PACRG: variants seen among roughly 807,000 people sequenced by gnomAD.
PACRG encodes the protein parkin coregulated gene protein.
A neutral mutation model predicts 29.7 loss-of-function variants in PACRG; 29 were observed. The observed-to-expected ratio is 0.98, with a 90% CI of 0.73 to 1.33. PACRG has a LOEUF of 1.33. PACRG is among the 40% of genes most tolerant of loss of function. The probability of loss-of-function intolerance (pLI) is 0.00; values close to 1 mark genes in which losing one functional copy is unlikely to be tolerated. For synonymous variants in PACRG, 116 were observed against 118.7 expected, an observed-to-expected ratio of 0.98 and a Z score of 0.15; for missense variants, 279 against 316.2, an observed-to-expected ratio of 0.88 and a Z score of 0.89.
chr6:162,996,209 T>C (rs1008028689), intron 2 of PACRG, among the ~76,000 whole-genome samples: 1 of 152,194 alleles, frequency 6.6e-6, no homozygotes, highest in African/African-American at 2.4e-5. Context: ...ATTAGGTTGA[T>C]TGTGGTGATC....
intron 3 of PACRG, among the ~76,000 whole-genome samples, chr6:163,072,101 C>A (rs1420545869): frequency 6.6e-6 from 1 of 151,632 alleles, no homozygotes; most frequent in African/African-American, 2.4e-5. Context: ...CCAGTATTAT[C>A]CTGATACCAA....
chr6:162,908,949 AT>A (rs1411959206), intron 2 of PACRG, among the ~76,000 whole-genome samples: 1 of 152,154 alleles, frequency 6.6e-6, no homozygotes, highest in African/African-American at 2.4e-5. Flanking sequence ...AGTCATGTCC[AT>A]GGCTGCCAGA....
chr6:162,809,857 G>A (rs1786683140), intron 1 of PACRG, among the ~76,000 whole-genome samples: 1 of 152,036 alleles, frequency 6.6e-6, no homozygotes, highest in African/African-American at 2.4e-5. Flanking sequence ...TCTTAAATGG[G>A]GCTTTGGGAC....
At chr6:163,266,069 T>C (rs1389899731) in intron 4 of PACRG, among the ~76,000 whole-genome samples, 1 of 152,216 alleles carries the variant, frequency 6.6e-6, no homozygotes, top group Non-Finnish European at 1.5e-5. Context: ...TTAATTGAAT[T>C]AGTAGTTGTG....
At chr6:163,075,276 C>T (rs1388954041) in intron 3 of PACRG, among the ~76,000 whole-genome samples, 4 of 152,168 alleles carry the variant, frequency 2.6e-5, no homozygotes, top group Admixed American at 6.5e-5. Context: ...CCCCACACAA[C>T]AATAGCTCAA....
chr6:162,914,951 T>G (rs1448546750), intron 2 of PACRG, among the ~76,000 whole-genome samples: 1 of 152,048 alleles, frequency 6.6e-6, no homozygotes, highest in African/African-American at 2.4e-5. Flanking sequence ...TTGAGATTTT[T>G]GTATAAACAA....
chr6:162,963,955 C>G (rs1800835607), intron 2 of PACRG, among the ~76,000 whole-genome samples: 1 of 152,118 alleles, frequency 6.6e-6, no homozygotes, highest in Non-Finnish European at 1.5e-5. Flanking sequence ...AGACTCTTGC[C>G]TAATACATCT....
At chr6:163,064,414 A>G (rs2128268506) in intron 3 of PACRG, among the ~76,000 whole-genome samples, 1 of 152,328 alleles carries the variant, frequency 6.6e-6, no homozygotes, top group South Asian at 2.1e-4. Context: ...TTTGTCAGGG[A>G]AAATTAACTA....
chr6:163,282,932 A>C (rs1009982360), intron 4 of PACRG, among the ~76,000 whole-genome samples: 1 of 152,230 alleles, frequency 6.6e-6, no homozygotes, highest in Non-Finnish European at 1.5e-5. Context: ...ATGACCTGCC[A>C]CTGGGGCAAA....
At position 163,198,002 on chromosome 6, in the gene PACRG, T is replaced by C. The variant is rs137915910; in HGVS notation, c.613+108594T>C. Reference sequence around the variant, plus strand: ...GATATAATGACTTCATCATCACTGATGCAAAGAGAGGTTTCTAGATACGTG... The same window carrying C: ...GATATAATGACTTCATCATCACTGACGCAAAGAGAGGTTTCTAGATACGTG... On this transcript the variant is annotated intron_variant, in intron 4 of 4. Transcript: ENST00000366888. Among the ~76,000 whole-genome samples the C allele has an allele frequency of 6.4e-4, 97 of 152,360 alleles. 1 individual carries two copies. Among genetic ancestry groups the C allele is most frequent in the African/African-American group, 1.9e-3 (78 of 41,594 alleles).
chr6:163,020,177 G>A (rs75237291), intron 2 of PACRG, among the ~76,000 whole-genome samples: 1 of 152,350 alleles, frequency 6.6e-6, no homozygotes, highest in African/African-American at 2.4e-5. Context: ...AAGGCTGACT[G>A]CCAAGAGCAC....
intron 1 of PACRG, among the ~76,000 whole-genome samples, chr6:162,802,192 A>G (rs1244508810): frequency 6.6e-6 from 1 of 152,166 alleles, no homozygotes; most frequent in East Asian, 1.9e-4. Context: ...GAGCTAATGT[A>G]TTTGAGTTGT....
intron 2 of PACRG, among the ~76,000 whole-genome samples, chr6:162,920,168 A>G (rs1200288698): frequency 6.6e-6 from 1 of 150,484 alleles, no homozygotes; most frequent in Non-Finnish European, 1.5e-5. Flanking sequence ...AAAAGCAACA[A>G]AGGAGGAAGG....
At chr6:163,208,232 C>T (rs1780987535) in intron 4 of PACRG, among the ~76,000 whole-genome samples, 1 of 152,098 alleles carries the variant, frequency 6.6e-6, no homozygotes, top group Admixed American at 6.5e-5. Context: ...CTGTAAAGAA[C>T]TGAAACCACT....
chr6:163,111,384 A>C (rs573249616), intron 4 of PACRG, among the ~76,000 whole-genome samples: 1 of 152,344 alleles, frequency 6.6e-6, no homozygotes, highest in South Asian at 2.1e-4. Flanking sequence ...ACAGAAATGC[A>C]AGGTAAGTAC....
At chr6:163,281,560 A>G (rs184319438) in intron 4 of PACRG, among the ~76,000 whole-genome samples, 1 of 152,202 alleles carries the variant, frequency 6.6e-6, no homozygotes, top group Admixed American at 6.5e-5. Flanking sequence ...TTTTTGCTAT[A>G]TGAAATCTAG....
intron 1 of PACRG, among the ~76,000 whole-genome samples, chr6:162,753,541 G>A (rs770485643): frequency 1.2e-4 from 19 of 152,050 alleles, no homozygotes; most frequent in Non-Finnish European, 2.8e-4. Context: ...TGACTATTGT[G>A]AATGATATGG....
At chr6:162,905,008 A>T (rs908887463) in intron 2 of PACRG, among the ~76,000 whole-genome samples, 2 of 152,166 alleles carry the variant, frequency 1.3e-5, no homozygotes, top group African/African-American at 4.8e-5. Context: ...TGGAGTTGAA[A>T]GGGCACAATG....
At chr6:163,170,690 A>G (rs188470122) in intron 4 of PACRG, 1 of 152,354 alleles carries the variant, frequency 6.6e-6, no homozygotes, top group Admixed American at 6.5e-5. Flanking sequence ...ACTGCCGGGC[A>G]GTCTCTATTT....
Sources: allele counts gnomAD v4.1 joint callset (sites outside exome capture counted in the v4.1 genomes callset), GRCh38; gene constraint gnomAD v4.1.1; transcripts MANE v1.5; gene names NCBI Gene and HGNC (gene_info 2026-07-23, HGNC 2026-07-21).